The following STK3 variants were observed in gnomAD, a reference collection of about 807,000 sequenced individuals.
STK3 encodes serine/threonine kinase 3, also known as serine/threonine-protein kinase 3.
STK3 carries 41 observed loss-of-function variants against 58.0 expected under a neutral mutation model. The observed-to-expected ratio is 0.71, with a 90% CI of 0.55 to 0.92. STK3 has a LOEUF of 0.92. Among genes scored for constraint, STK3 ranks in the 40% least tolerant of loss-of-function variants. The pLI is 0.00. For missense variants in STK3, 479 were observed against 602.7 expected (o/e 0.79, Z 2.15); for synonymous variants, 170 against 191.0 (o/e 0.89, Z 0.91).
chr8:98,777,215 T>C (rs1831750795), intron 1 of STK3, among the ~76,000 whole-genome samples: 1 of 152,128 alleles, frequency 6.6e-6, no homozygotes, highest in Non-Finnish European at 1.5e-5. Context: ...CAGTTGCTCA[T>C]TCATTGACCA....
chr8:98,654,323 G>C (rs1392554382), intron 6 of STK3, among the ~76,000 whole-genome samples: 3 of 152,122 alleles, frequency 2.0e-5, no homozygotes, highest in Non-Finnish European at 4.4e-5. Flanking sequence ...AGGTATTGAT[G>C]GGACGTATGT....
At chr8:98,598,697 A>G in intron 6 of STK3, 1 of 985,334 alleles carries the variant, frequency 1.0e-6, no homozygotes, top group Non-Finnish European at 1.2e-6. Context: ...CTTGCCACCA[A>G]CCAAATCACA....
intron 1 of STK3, among the ~76,000 whole-genome samples, chr8:98,926,976 G>T (rs1342712351): frequency 6.6e-6 from 1 of 152,238 alleles, no homozygotes; most frequent in Non-Finnish European, 1.5e-5. Context: ...AGACTAGGCT[G>T]TGTAAGGGCC....
At chr8:98,453,865 A>G (rs1258039666), downstream of STK3, among the ~76,000 whole-genome samples, 1 of 152,204 alleles carries the variant, frequency 6.6e-6, no homozygotes, top group Non-Finnish European at 1.5e-5. Flanking sequence ...AGGTTAGTAA[A>G]AAGAAAAATA....
intron 6 of STK3, among the ~76,000 whole-genome samples, chr8:98,662,760 G>C (rs1353152684): frequency 6.6e-6 from 1 of 151,240 alleles, no homozygotes; most frequent in Non-Finnish European, 1.5e-5. Flanking sequence ...GTGCCACATT[G>C]TTGTGCTGCA....
At chr8:98,933,408 C>G (rs1236723612) in intron 1 of STK3, among the ~76,000 whole-genome samples, 1 of 152,138 alleles carries the variant, frequency 6.6e-6, no homozygotes, top group African/African-American at 2.4e-5. Flanking sequence ...TAAATCTGCA[C>G]AAATTGTGCA....
chr8:98,608,508 TA>T (rs1374984431), intron 6 of STK3, among the ~76,000 whole-genome samples: 5 of 152,234 alleles, frequency 3.3e-5, no homozygotes, highest in Admixed American at 3.3e-4. Flanking sequence ...CTAATTTGTT[TA>T]CTTTTTTACA....
chr8:98,378,429 T>A (rs1817697651), intron 2 of STK3, among the ~76,000 whole-genome samples: 1 of 152,088 alleles, frequency 6.6e-6, no homozygotes. Flanking sequence ...GGTCTCAGAG[T>A]CACACAGATC....
intron 1 of STK3, among the ~76,000 whole-genome samples, chr8:98,446,416 G>T (rs1393557017): frequency 1.3e-5 from 2 of 152,162 alleles, no homozygotes; most frequent in East Asian, 3.8e-4. Flanking sequence ...GCAAGTCATG[G>T]GTACTCATGG....
intron 6 of STK3, among the ~76,000 whole-genome samples, chr8:98,626,055 C>A (rs1375810725): frequency 6.6e-6 from 1 of 152,110 alleles, no homozygotes; most frequent in Admixed American, 6.5e-5. Flanking sequence ...CCCAGATGCT[C>A]CCCTGATAAA....
intron 4 of STK3, among the ~76,000 whole-genome samples, chr8:98,734,984 G>A (rs1486392962): frequency 6.6e-6 from 1 of 151,986 alleles, no homozygotes; most frequent in Non-Finnish European, 1.5e-5. Context: ...TAAAAATCAG[G>A]GAACTAATGA....
chr8:98,725,280 A>G (rs1339782074), intron 4 of STK3, among the ~76,000 whole-genome samples: 1 of 152,224 alleles, frequency 6.6e-6, no homozygotes, highest in African/African-American at 2.4e-5. Context: ...ATACATACAT[A>G]TGTGGTGAAA....
At chr8:98,448,000 G>GAA (rs766748965) in intron 1 of STK3, among the ~76,000 whole-genome samples, 1 of 134,092 alleles carries the variant, frequency 7.5e-6, no homozygotes, top group Non-Finnish European at 1.6e-5. Flanking sequence ...AATATAAACT[G>GAA]AAAAAAAAAA....
the STK3 span, among the ~76,000 whole-genome samples, chr8:98,359,453 G>A: frequency 2.0e-5 from 3 of 150,702 alleles, no homozygotes; most frequent in South Asian, 6.3e-4. Flanking sequence ...AACCGGGGAG[G>A]CGGAGGTTGC....
intron 6 of STK3, among the ~76,000 whole-genome samples, chr8:98,696,284 C>T (rs923301598): frequency 2.0e-5 from 3 of 152,060 alleles, no homozygotes; most frequent in Non-Finnish European, 4.4e-5. Context: ...TCTAGATATA[C>T]AATCATGTCA....
intron 10 of STK3, among the ~76,000 whole-genome samples, chr8:98,509,042 G>A (rs1192458743): frequency 3.3e-5 from 5 of 152,004 alleles, no homozygotes; most frequent in Non-Finnish European, 1.5e-5. Context: ...GTACTAACTA[G>A]TCTTTCCCCA....
intron 1 of STK3, among the ~76,000 whole-genome samples, chr8:98,893,445 A>AGAAGGAAGGAAGGAAGGAAG (rs1838290485): frequency 1.1e-5 from 1 of 93,996 alleles, no homozygotes; most frequent in Non-Finnish European, 2.0e-5. Context: ...AAAGAAAGAA[A>AGAAGGAAGGAAGGAAGGAAG]GAAAGAAAGA....
intron 3 of STK3, among the ~76,000 whole-genome samples, chr8:98,861,900 T>C (rs1836951385): frequency 6.6e-6 from 1 of 152,206 alleles, no homozygotes; most frequent in Non-Finnish European, 1.5e-5. Context: ...AAATTTATTA[T>C]TTGAAGTCCC....
intron 9 of STK3, among the ~76,000 whole-genome samples, chr8:98,529,491 A>G (rs1825994717): frequency 6.6e-6 from 1 of 152,254 alleles, no homozygotes; most frequent in East Asian, 1.9e-4. Context: ...ATGGTTTGCC[A>G]TATCAAAACA....
Sources: gnomAD v4.1 joint callset for allele counts (sites outside exome capture counted in the v4.1 genomes callset) on GRCh38, gnomAD v4.1.1 for gene constraint, MANE v1.5 for transcripts, NCBI Gene and HGNC (gene_info 2026-07-23, HGNC 2026-07-21) for gene names.